AATF: variants seen among roughly 807,000 people sequenced by gnomAD.
AATF encodes the protein protein AATF.
Under a neutral mutation model 63.7 loss-of-function variants are expected in AATF, and 48 were observed. That is an observed-to-expected ratio of 0.75 (90% confidence interval 0.60 to 0.96). The LOEUF is 0.96. AATF is among the 40% of genes least tolerant of loss of function. AATF has a pLI of 0.00. For missense variants in AATF, 639 were observed against 685.7 expected, an observed-to-expected ratio of 0.93 and a Z score of 0.76; for synonymous variants, 258 against 247.7, an observed-to-expected ratio of 1.04 and a Z score of -0.39.
chr17:37,003,838 C>T (rs2071321092), intron 8 of AATF, among the ~76,000 whole-genome samples: 1 of 151,416 alleles, frequency 6.6e-6, no homozygotes, highest in South Asian at 2.1e-4. Context: ...CATGGTGGCT[C>T]ACACCTGTAA....
At chr17:36,971,101 T>A (rs1403335846) in intron 4 of AATF, among the ~76,000 whole-genome samples, 1 of 152,208 alleles carries the variant, frequency 6.6e-6, no homozygotes, top group Admixed American at 6.5e-5. Context: ...TAAAATCTTT[T>A]GCTCTGTGAA....
chr17:36,949,233 G>A lies in AATF; in HGVS notation c.91+17G>A, dbSNP rs1567961024. Reference sequence around the variant, plus strand: ...CCGAGGAAGGTGAGGCCGGACTGGGGCAGGCCACGTGCGGAGCGGTGGGCC... The same window carrying A: ...CCGAGGAAGGTGAGGCCGGACTGGGACAGGCCACGTGCGGAGCGGTGGGCC... On this transcript the variant is annotated intron_variant, in intron 1 of 11. Transcript: ENST00000619387. The A allele has an allele frequency of 1.9e-6, 3 of 1,576,734 alleles. No homozygotes were observed. The highest frequency in any genetic ancestry group is 3.8e-5 in the Admixed American group (2 of 53,326).
chr17:37,003,627 C>T (rs868646487), intron 8 of AATF, among the ~76,000 whole-genome samples: 15 of 151,386 alleles, frequency 9.9e-5, no homozygotes, highest in African/African-American at 3.2e-4. Context: ...CCACCACACC[C>T]GGCTGGTTTT....
intron 4 of AATF, among the ~76,000 whole-genome samples, chr17:36,985,796 G>A (rs1467744570): frequency 2.6e-5 from 4 of 151,816 alleles, no homozygotes; most frequent in South Asian, 2.1e-4. Context: ...TGATCCACCC[G>A]TCTCGGCCTC....
At position 37,056,742 on chromosome 17, in the gene AATF, A is replaced by T; in HGVS notation, c.*78A>T. The T allele has an allele frequency of 2.2e-5, 32 of 1,486,282 alleles. No individual in the cohort carries two copies. Among genetic ancestry groups the T allele is most frequent in the Non-Finnish European group, 2.6e-5 (28 of 1,068,254 alleles). 92.1% of individuals were successfully genotyped at this position (1,486,282 alleles called of 1,614,324 possible). A position where few individuals can be genotyped will look rare whatever the true frequency, so the allele number is the denominator to read the frequency against. ...CCAGATGGAGGAAACCAGTGACTTT[A>T]TGGGGCTGAGCTAGTAGGGAAGCCC... On this transcript the variant is annotated 3_prime_UTR_variant, in exon 12 of 12. Coordinates refer to ENST00000619387, the MANE Select transcript of AATF (RefSeq NM_012138.4).
chr17:36,980,898 CTTTT>C (rs1234706804), intron 4 of AATF, among the ~76,000 whole-genome samples: 2 of 132,944 alleles, frequency 1.5e-5, no homozygotes, highest in Non-Finnish European at 1.6e-5. Flanking sequence ...CTTTGATAAA[CTTTT>C]TTTTTTTTTT....
intron 8 of AATF, among the ~76,000 whole-genome samples, chr17:36,991,985 T>C (rs1272801440): frequency 6.6e-6 from 1 of 152,232 alleles, no homozygotes; most frequent in Non-Finnish European, 1.5e-5. Context: ...CCAGTTATTG[T>C]TGAGCCATTG....
intron 4 of AATF, among the ~76,000 whole-genome samples, chr17:36,976,565 C>T (rs1431179206): frequency 6.6e-6 from 1 of 152,092 alleles, no homozygotes; most frequent in East Asian, 1.9e-4. Flanking sequence ...AAAGTACATA[C>T]CAAGGAAGAT....
chr17:37,002,671 CAAA>C (rs1216059829), intron 8 of AATF, among the ~76,000 whole-genome samples: 1 of 122,240 alleles, frequency 8.2e-6, no homozygotes. Flanking sequence ...GACTCCATCT[CAAA>C]AAAAAAAAAG....
At chr17:36,972,751 G>A (rs578104118) in intron 4 of AATF, among the ~76,000 whole-genome samples, 1 of 151,680 alleles carries the variant, frequency 6.6e-6, no homozygotes, top group African/African-American at 2.4e-5. Context: ...AAACTGTTGG[G>A]GTTTTTTGTT....
intron 4 of AATF, among the ~76,000 whole-genome samples, chr17:36,971,782 GA>G (rs1349940007): frequency 6.6e-6 from 1 of 152,182 alleles, no homozygotes; most frequent in African/African-American, 2.4e-5. Flanking sequence ...TATACTAAGT[GA>G]AATATGCCAG....
At position 37,044,840 on chromosome 17, in the gene AATF, C is replaced by G. The variant is rs1204045824; in HGVS notation, c.1620-11761C>G. Among the ~76,000 whole-genome samples the G allele has an allele frequency of 2.6e-5, 4 of 152,258 alleles. No individual in the cohort carries two copies. In the East Asian group the frequency reaches 7.7e-4, roughly 29 times the overall value. Reference sequence around the variant, plus strand: ...GCTCAAAAAGTTTTAGATTTCGGAGCATTTCAGATTTCAGATACTTGAGTT... The same window carrying G: ...GCTCAAAAAGTTTTAGATTTCGGAGGATTTCAGATTTCAGATACTTGAGTT... On this transcript the variant is annotated intron_variant, in intron 11 of 11. Transcript: ENST00000619387.
At chr17:37,010,771 G>A (rs921193277) in intron 8 of AATF, among the ~76,000 whole-genome samples, 1 of 152,210 alleles carries the variant, frequency 6.6e-6, no homozygotes, top group Non-Finnish European at 1.5e-5. Context: ...GGCTAGGGAA[G>A]CCTGTTCCCG....
chr17:36,991,195 G>A (rs1477328306), intron 8 of AATF, among the ~76,000 whole-genome samples: 3 of 152,150 alleles, frequency 2.0e-5, no homozygotes, highest in African/African-American at 7.2e-5. Flanking sequence ...TTGGTTTCTT[G>A]TCTCATTACT....
intron 2 of AATF, among the ~76,000 whole-genome samples, chr17:36,951,611 T>C (rs2070855822): frequency 6.6e-6 from 1 of 152,228 alleles, no homozygotes; most frequent in South Asian, 2.1e-4. Context: ...TACATAAGTT[T>C]GCTCAAGGTC....
At chr17:37,027,661 A>G (rs2071520633) in intron 10 of AATF, among the ~76,000 whole-genome samples, 1 of 152,188 alleles carries the variant, frequency 6.6e-6, no homozygotes, top group African/African-American at 2.4e-5. Flanking sequence ...ATATAAAAAT[A>G]TTATTTCAAC....
chr17:37,056,549 A>G, intron 11 of AATF, 52 bp from the exon 12 acceptor site: 1 of 1,589,474 alleles, frequency 6.3e-7, no homozygotes, highest in Non-Finnish European at 8.6e-7. Flanking sequence ...TTCCTTTTTA[A>G]CCTTGAATAG....
intron 10 of AATF, among the ~76,000 whole-genome samples, chr17:37,025,842 T>A (rs2071506879): frequency 1.3e-5 from 2 of 152,280 alleles, no homozygotes; most frequent in Admixed American, 1.3e-4. Flanking sequence ...AGGTCCACAA[T>A]AGATGCTAAA....
chr17:37,053,864 CA>C (rs1293179321), intron 11 of AATF, among the ~76,000 whole-genome samples: 2 of 149,836 alleles, frequency 1.3e-5, no homozygotes, highest in Non-Finnish European at 1.5e-5. Flanking sequence ...GACTCCATCT[CA>C]AAAAAAAATA....
Sources: allele counts gnomAD v4.1 joint callset (sites outside exome capture counted in the v4.1 genomes callset), GRCh38; gene constraint gnomAD v4.1.1; transcripts MANE v1.5; gene names NCBI Gene and HGNC (gene_info 2026-07-23, HGNC 2026-07-21).